The following AFAP1L2 variants were observed in gnomAD, a reference collection of about 807,000 sequenced individuals.
AFAP1L2 encodes the protein actin filament associated protein 1 like 2.
Under a neutral mutation model 99.3 loss-of-function variants are expected in AFAP1L2, and 46 were observed. The observed-to-expected ratio is 0.46, with a 90% confidence interval of 0.37 to 0.59. The LOEUF (loss-of-function observed/expected upper bound fraction) is 0.59, where lower values mean the gene tolerates loss of function less well. Ranked by LOEUF, AFAP1L2 falls within the 20% of genes least tolerant of loss-of-function variation. The pLI is 0.00. For synonymous variants in AFAP1L2, 397 were observed against 419.1 expected (o/e 0.95, Z 0.64); for missense variants, 959 against 1,034.9 (o/e 0.93, Z 1.01).
intron 1 of AFAP1L2, among the ~76,000 whole-genome samples, chr10:114,363,361 T>C (rs1196422676): frequency 6.6e-6 from 1 of 152,180 alleles, no homozygotes; most frequent in Non-Finnish European, 1.5e-5. Flanking sequence ...TGTGCCATTC[T>C]TGAGAGCTAG....
intron 1 of AFAP1L2, among the ~76,000 whole-genome samples, chr10:114,383,455 A>G (rs2056004313): frequency 6.6e-6 from 1 of 152,094 alleles, no homozygotes; most frequent in Non-Finnish European, 1.5e-5. Context: ...AGATCTGGAG[A>G]GTGTAACACA....
the AFAP1L2 span, among the ~76,000 whole-genome samples, chr10:114,286,951 C>G: frequency 6.6e-6 from 1 of 152,202 alleles, no homozygotes; most frequent in Non-Finnish European, 1.5e-5. Context: ...CATACACACA[C>G]GGATGCATGT....
At chr10:114,357,519 G>A (rs946303195) in intron 1 of AFAP1L2, among the ~76,000 whole-genome samples, 18 of 152,158 alleles carry the variant, frequency 1.2e-4, no homozygotes, top group African/African-American at 3.4e-4. Context: ...CCCAGGTAGT[G>A]ACTGCATAGC....
intron 4 of AFAP1L2, among the ~76,000 whole-genome samples, chr10:114,329,580 A>AT (rs1181026422): frequency 3.3e-5 from 5 of 152,172 alleles, no homozygotes; most frequent in Non-Finnish European, 7.4e-5. Context: ...GGCTCAGAAC[A>AT]GCCACCTTTC....
chr10:114,368,210 G>A (rs945980511), intron 1 of AFAP1L2, among the ~76,000 whole-genome samples: 4 of 152,190 alleles, frequency 2.6e-5, no homozygotes, highest in South Asian at 2.1e-4. Context: ...GCCAAATACC[G>A]CATGATCTGA....
chr10:114,296,107 A>G, intron 18 of AFAP1L2, 39 bp from the exon 19 acceptor site: 13 of 1,613,564 alleles, frequency 8.1e-6, no homozygotes, highest in Non-Finnish European at 1.1e-5. Context: ...ACCCCCCACC[A>G]AAAAGATAGT....
intron 1 of AFAP1L2, among the ~76,000 whole-genome samples, chr10:114,380,304 G>A (rs1462242566): frequency 6.6e-6 from 1 of 152,168 alleles, no homozygotes; most frequent in Non-Finnish European, 1.5e-5. Flanking sequence ...TGAGGCAGTT[G>A]CTTTTTGAAA....
intron 2 of AFAP1L2, among the ~76,000 whole-genome samples, chr10:114,335,077 A>G (rs1020871267): frequency 6.6e-6 from 1 of 152,258 alleles, no homozygotes; most frequent in Admixed American, 6.5e-5. Context: ...GTAACAAACC[A>G]TGGCACATCA....
chr10:114,289,480 C>T, the AFAP1L2 span: 5 of 1,614,084 alleles, frequency 3.1e-6, no homozygotes, highest in Non-Finnish European at 4.2e-6. Flanking sequence ...CATTGAGTGG[C>T]TGTGTGGAGG....
chr10:114,291,305 CACTGAAATGGTGCCTACCT>C, downstream of AFAP1L2: 10 of 1,496,036 alleles, frequency 6.7e-6, no homozygotes, highest in Non-Finnish European at 9.0e-6. Flanking sequence ...AAGGCCTGGG[CACTGAAATGGTGCCTACCT>C]TCTGGAATGT....
At position 114,394,973 on chromosome 10, in the gene AFAP1L2, C is replaced by A. The variant is rs112694193; in HGVS notation, c.16+9467G>T. Among the ~76,000 whole-genome samples, 830 of 152,244 alleles carry A rather than the reference C, an allele frequency of 5.5e-3. 2 individuals are homozygous for A. Among genetic ancestry groups the A allele is most frequent in the Non-Finnish European group, 9.8e-3 (669 of 68,022 alleles). On this transcript the variant is annotated intron_variant, in intron 1 of 18. Transcript: ENST00000304129. ...AAACCGTGCTTGACCACCATGCACG[C>A]CACGATCCTCAGCCACAATTCCGGT... is the stretch of plus-strand genomic sequence containing the variant.
At chr10:114,284,580 C>T in the AFAP1L2 span, among the ~76,000 whole-genome samples, 577 of 152,316 alleles carry the variant, frequency 3.8e-3, 1 homozygote, top group African/African-American at 0.013. Context: ...CTTGATGCTA[C>T]GGGGAGCTTC....
intron 1 of AFAP1L2, among the ~76,000 whole-genome samples, chr10:114,369,614 A>C (rs1304627445): frequency 6.7e-6 from 1 of 149,040 alleles, no homozygotes; most frequent in African/African-American, 2.6e-5. Flanking sequence ...AAAAAAAAAA[A>C]ACTTTTTATT....
Position 114,316,122 on chromosome 10 carries a change from C to T in AFAP1L2, c.407-357G>A, listed in dbSNP as rs114797611. Among the ~76,000 whole-genome samples, 129 of 152,372 alleles carry T rather than the reference C, an allele frequency of 8.5e-4. 1 individual carries two copies. The highest frequency in any genetic ancestry group is 2.8e-3 in the African/African-American group (115 of 41,582). ...TCTTGACAAGGCCAGTTCTCCTACT[C>T]GGGGCCTCTAATTCCTCAAATGAAA... On this transcript the variant is annotated intron_variant, in intron 5 of 18. Transcript: ENST00000304129.
chr10:114,348,906 G>A (rs1312871331), intron 1 of AFAP1L2, among the ~76,000 whole-genome samples: 1 of 152,166 alleles, frequency 6.6e-6, no homozygotes, highest in Admixed American at 6.5e-5. Context: ...GCTTTATGAA[G>A]TCTTTTTACC....
At chr10:114,374,191 C>T (rs2054507260) in intron 1 of AFAP1L2, among the ~76,000 whole-genome samples, 5 of 152,134 alleles carry the variant, frequency 3.3e-5, no homozygotes, top group Admixed American at 3.3e-4. Flanking sequence ...ATGTTCACCC[C>T]TTAAATCTCC....
intron 4 of AFAP1L2, among the ~76,000 whole-genome samples, chr10:114,330,261 C>T (rs1236262364): frequency 6.6e-6 from 1 of 152,170 alleles, no homozygotes; most frequent in Non-Finnish European, 1.5e-5. Flanking sequence ...GCTGGGACCC[C>T]CTCCACGGAA....
intron 1 of AFAP1L2, among the ~76,000 whole-genome samples, chr10:114,382,547 C>G (rs1310406909): frequency 6.6e-6 from 1 of 150,714 alleles, no homozygotes; most frequent in East Asian, 1.9e-4. Context: ...TGTTTGATAG[C>G]ACTCTATCAA....
intron 8 of AFAP1L2, 145 bp downstream of exon 8, chr10:114,310,209 G>T (rs1262343264): frequency 4.9e-6 from 4 of 823,168 alleles, no homozygotes; most frequent in East Asian, 5.7e-5. Flanking sequence ...TTACAGGCGT[G>T]AGCCCACCCT....
Sources: allele counts gnomAD v4.1 joint callset (sites outside exome capture counted in the v4.1 genomes callset), GRCh38; gene constraint gnomAD v4.1.1; transcripts MANE v1.5; gene names NCBI Gene and HGNC (gene_info 2026-07-23, HGNC 2026-07-21).